The following PHIP variants were observed in gnomAD, a reference collection of about 807,000 sequenced individuals.
PHIP encodes the protein PHIP subunit of CUL4-Ring ligase complex.
In PHIP, 54 loss-of-function variants were observed where a neutral mutation model predicts 236.8. The ratio of observed to expected loss-of-function variants is 0.23; its 90% CI spans 0.18 to 0.29. The LOEUF (loss-of-function observed/expected upper bound fraction) is 0.29, where lower values mean the gene tolerates loss of function less well. Among genes scored for constraint, PHIP ranks in the 10% least tolerant of loss-of-function variants. The pLI is 1.00. For missense variants in PHIP, 1,370 were observed against 2,190.8 expected (o/e 0.63, Z 7.48); for synonymous variants, 756 against 718.9 (o/e 1.05, Z -0.83).
At chr6:78,982,310 G>T (rs1768592608) in intron 23 of PHIP, among the ~76,000 whole-genome samples, 1 of 151,850 alleles carries the variant, frequency 6.6e-6, no homozygotes, top group African/African-American at 2.4e-5. Context: ...CTCTCAAATT[G>T]TCCACAGACC....
chr6:79,050,423 G>A (rs1052743983), intron 6 of PHIP, among the ~76,000 whole-genome samples: 2 of 152,204 alleles, frequency 1.3e-5, no homozygotes, highest in African/African-American at 4.8e-5. Flanking sequence ...TTTACTAGAG[G>A]TGAAGCCCAG....
In PHIP at chr6:79,077,710, G is replaced by A. The variant is rs761722424; in HGVS notation, c.119C>T (p.Ala40Val). 3 of 1,013,750 alleles carry A rather than the reference G, an allele frequency of 3.0e-6. No individual in the cohort carries two copies. Among genetic ancestry groups the A allele is most frequent in the South Asian group, 7.4e-5 (2 of 27,188 alleles). 62.8% of individuals were successfully genotyped at this position (1,013,750 alleles called of 1,614,324 possible). ...QAAQVLIREV[A>V]EKELLPRRTD... ...CGCCGCCGCCCTTACCTCCTTCTCG[G>A]CCACCTCGCGGATCAGCACCTGCAA... Residue 40 changes from alanine to valine, a missense_variant, in exon 3 of 40, where the codon GCC becomes GTC. Physicochemically the swap from Ala to Val is moderately conservative, Grantham distance 64. Transcript: ENST00000275034.
rs72226338 is a variant in PHIP at position 79,059,591 on chromosome 6, TTATATATATATATATATATATA to T, written c.439+865_439+886del. 6.0e-4 allele frequency among the ~76,000 whole-genome samples: 51 copies of T among 84,764 alleles called. 1 individual carries two copies. The highest frequency in any genetic ancestry group is 2.3e-3 in the African/African-American group (49 of 21,154). 55.6% of individuals were successfully genotyped at this position (84,764 alleles called of 152,430 possible). A position where few individuals can be genotyped will look rare whatever the true frequency, so the allele number is the denominator to read the frequency against. On this transcript the variant is annotated intron_variant, in intron 6 of 39. Coordinates refer to ENST00000275034, the MANE Select transcript of PHIP (RefSeq NM_017934.7). ...AGGAAACAAAAAGTTGAAAGCAAAA[TTATATATATATATATATATATA>T]TATATATATATAAAAATGCCAAACA...
intron 24 of PHIP, among the ~76,000 whole-genome samples, chr6:78,977,270 G>T (rs1407112157): frequency 6.6e-6 from 1 of 151,164 alleles, no homozygotes; most frequent in African/African-American, 2.4e-5. Context: ...GTAAACTATT[G>T]CAAGAACAAA....
intron 6 of PHIP, among the ~76,000 whole-genome samples, chr6:79,044,224 T>G (rs1435882521): frequency 6.6e-6 from 1 of 152,100 alleles, no homozygotes; most frequent in Non-Finnish European, 1.5e-5. Context: ...ACAGCAATAA[T>G]TTTATATTCT....
chr6:78,999,766 A>C (rs902566589), intron 17 of PHIP, among the ~76,000 whole-genome samples: 1 of 152,044 alleles, frequency 6.6e-6, no homozygotes, highest in African/African-American at 2.4e-5. Flanking sequence ...TAAAAGGAAA[A>C]AGAAATTACA....
chr6:78,997,810 T>A (rs561091457), intron 18 of PHIP, among the ~76,000 whole-genome samples: 9 of 152,156 alleles, frequency 5.9e-5, no homozygotes, highest in African/African-American at 2.2e-4. Context: ...CAATGAATCA[T>A]AACTATAGAC....
Position 78,946,035 on chromosome 6 carries a change from T to G in PHIP, c.4596A>C (p.Thr1532=). The G allele has an allele frequency of 6.2e-7, 1 of 1,611,390 alleles. No homozygotes were observed. The highest frequency in any genetic ancestry group is 8.5e-7 in the Non-Finnish European group (1 of 1,177,562). ...STSSAAKTFI[T]KANASAIPGK... is the part of the protein sequence containing the mutation. The stretch of plus-strand genomic sequence containing the variant: ...CTGGTATTGCAGATGCATTAGCTTT[T>G]GTAATAAAAGTCTTTGCAGCTGAAG... The change falls in exon 38 of 40, where the codon ACA becomes ACC. Residue 1532 remains threonine (T), a synonymous_variant. Transcript: ENST00000275034.
chr6:78,963,015 A>G (rs1482366245), intron 30 of PHIP, 82 bp downstream of exon 30: 3 of 1,347,960 alleles, frequency 2.2e-6, no homozygotes, highest in Non-Finnish European at 3.0e-6. Flanking sequence ...GTGAAAAAAA[A>G]TTTTTGTTGG....
intron 27 of PHIP, 123 bp from the exon 28 acceptor site, chr6:78,966,179 C>T: frequency 1.6e-6 from 1 of 627,648 alleles, no homozygotes; most frequent in Non-Finnish European, 2.9e-6. Context: ...AAAAGTGAAC[C>T]ACAAACTCCA....
In PHIP at chr6:78,963,188, G is replaced by T; in HGVS notation, c.3444C>A (p.Ile1148=). 1 of 1,611,028 alleles carries T rather than the reference G, an allele frequency of 6.2e-7. No homozygotes were observed. Among genetic ancestry groups the T allele is most frequent in the Non-Finnish European group, 8.5e-7 (1 of 1,178,438 alleles). The change falls in exon 30 of 40, where the codon ATC becomes ATA. Residue 1148 remains isoleucine, a synonymous_variant. Transcript: ENST00000275034. Reference sequence around the variant, plus strand: ...CCCATTCTCCATCAAGAGGTTTATAGATTAGTGATCTGCACTCACCATCAG... The same window carrying T: ...CCCATTCTCCATCAAGAGGTTTATATATTAGTGATCTGCACTCACCATCAG... ...PLTDGECRSL[I]YKPLDGEWGT...
At chr6:79,012,766 G>A (rs1770655638) in intron 15 of PHIP, among the ~76,000 whole-genome samples, 1 of 151,600 alleles carries the variant, frequency 6.6e-6, no homozygotes, top group South Asian at 2.1e-4. Context: ...TAATAGCAAT[G>A]CTGGATGCTT....
intron 7 of PHIP, 152 bp downstream of exon 7, chr6:79,042,691 A>G (rs1469041325): frequency 1.5e-5 from 8 of 537,482 alleles, no homozygotes; most frequent in Non-Finnish European, 2.6e-5. Context: ...TCCAAATTTA[A>G]CTAAACTCTT....
At chr6:79,065,361 ACTT>A (rs1773573379) in intron 4 of PHIP, among the ~76,000 whole-genome samples, 1 of 152,112 alleles carries the variant, frequency 6.6e-6, no homozygotes, top group African/African-American at 2.4e-5. Context: ...ATGTATGGTC[ACTT>A]CTTATTTTTC....
chr6:78,960,657 T>C (rs1766713397), intron 31 of PHIP, among the ~76,000 whole-genome samples: 1 of 152,040 alleles, frequency 6.6e-6, no homozygotes, highest in African/African-American at 2.4e-5. Flanking sequence ...ATATATTAGT[T>C]TTCTTTATTC....
intron 20 of PHIP, 24 bp downstream of exon 20, chr6:78,990,844 A>T: frequency 7.5e-7 from 1 of 1,329,228 alleles, no homozygotes; most frequent in African/African-American, 1.5e-5. Flanking sequence ...GCAAATATTA[A>T]ACATCAAAAT....
Position 79,034,269 on chromosome 6 carries a change from T to C in PHIP, c.601-8105A>G, listed in dbSNP as rs1483056226. 2.6e-5 allele frequency among the ~76,000 whole-genome samples: 4 copies of C among 152,194 alleles called. No individual in the cohort carries two copies. The East Asian group carries it at 7.7e-4, about 29-fold the overall frequency. On this transcript the variant is annotated intron_variant, in intron 7 of 39. Coordinates refer to ENST00000275034, the MANE Select transcript of PHIP (RefSeq NM_017934.7). ...TAAAGGCACAATGAAACAGGGTACG[T>C]CTGTATTAGCATTTTTCATAAAGCC...
intron 13 of PHIP, 143 bp from the exon 14 acceptor site, chr6:79,015,926 A>C: frequency 1.7e-6 from 1 of 592,038 alleles, no homozygotes; most frequent in Non-Finnish European, 2.9e-6. Context: ...ATCAACATGG[A>C]ATGATGGTAA....
At chr6:79,018,539 A>AT (rs1258921682) in intron 10 of PHIP, among the ~76,000 whole-genome samples, 1 of 151,958 alleles carries the variant, frequency 6.6e-6, no homozygotes, top group African/African-American at 2.4e-5. Context: ...AAATAACCAG[A>AT]TTTTTTTTAT....
Sources: gnomAD v4.1 joint callset for allele counts (sites outside exome capture counted in the v4.1 genomes callset) on GRCh38, gnomAD v4.1.1 for gene constraint, MANE v1.5 for transcripts, NCBI Gene and HGNC (gene_info 2026-07-23, HGNC 2026-07-21) for gene names.